SMOC2: variants seen among roughly 807,000 people sequenced by gnomAD.
The protein encoded by SMOC2 is SPARC-related modular calcium-binding protein 2.
Under a neutral mutation model 61.4 loss-of-function variants are expected in SMOC2, and 39 were observed. That is an observed-to-expected ratio of 0.64 (90% confidence interval 0.49 to 0.83). The LOEUF is 0.83. Ranked by LOEUF, SMOC2 falls within the 40% of genes least tolerant of loss-of-function variation. SMOC2 has a pLI of 0.00. For synonymous variants in SMOC2, 247 were observed against 239.9 expected (o/e 1.03, Z -0.27); for missense variants, 556 against 592.9 (o/e 0.94, Z 0.65).
intron 1 of SMOC2, among the ~76,000 whole-genome samples, chr6:168,450,790 C>T (rs112475279): frequency 1.4e-4 from 22 of 152,130 alleles, no homozygotes; most frequent in Admixed American, 3.9e-4. Context: ...CACTTAAACC[C>T]GAACGTGACC....
At position 168,442,489 on chromosome 6, in the gene SMOC2, A is replaced by T. The variant is rs138169127; in HGVS notation, c.84+1035A>T. Among the ~76,000 whole-genome samples the T allele has an allele frequency of 7.7e-4, 117 of 152,338 alleles. 3 individuals carry two copies. In the East Asian group the frequency reaches 0.02, roughly 27 times the overall value. On this transcript the variant is annotated intron_variant, in intron 1 of 12. Transcript: ENST00000356284. ...GGGTTTGCAAACCCATCATTAATGC[A>T]ATCGCCAGAAACGAAAACATTCCAC... is the stretch of plus-strand genomic sequence containing the variant.
chr6:168,619,690 G>T, intron 9 of SMOC2, among the ~76,000 whole-genome samples: 1 of 152,082 alleles, frequency 6.6e-6, no homozygotes. Flanking sequence ...CCCGTTTGCC[G>T]CTGACTCAGG....
chr6:168,533,226 G>A (rs1783654862), intron 4 of SMOC2, among the ~76,000 whole-genome samples: 1 of 152,118 alleles, frequency 6.6e-6, no homozygotes, highest in South Asian at 2.1e-4. Flanking sequence ...TCATCCCAGA[G>A]ATTTCTAAAT....
chr6:168,529,263 G>C (rs927697708), intron 4 of SMOC2, among the ~76,000 whole-genome samples: 1 of 152,140 alleles, frequency 6.6e-6, no homozygotes, highest in African/African-American at 2.4e-5. Flanking sequence ...CTGGGGAAGA[G>C]AGTAGATGGC....
chr6:168,641,608 C>T (rs1430066351), intron 9 of SMOC2, among the ~76,000 whole-genome samples: 1 of 152,134 alleles, frequency 6.6e-6, no homozygotes, highest in Non-Finnish European at 1.5e-5. Flanking sequence ...GATGACCTGA[C>T]CCAAAAGAGA....
At chr6:168,610,070 G>A (rs887401229) in intron 9 of SMOC2, among the ~76,000 whole-genome samples, 4 of 152,176 alleles carry the variant, frequency 2.6e-5, no homozygotes, top group Non-Finnish European at 5.9e-5. Context: ...TTTGTCCAGT[G>A]AGAACAACTG....
intron 4 of SMOC2, among the ~76,000 whole-genome samples, chr6:168,532,066 T>C (rs1362016524): frequency 1.3e-5 from 2 of 152,174 alleles, no homozygotes; most frequent in Non-Finnish European, 2.9e-5. Context: ...AGCAGGTGTT[T>C]CTTGCTCACA....
At chr6:168,457,769 TCGGCGAAG>T (rs1435240442) in intron 1 of SMOC2, among the ~76,000 whole-genome samples, 1 of 152,058 alleles carries the variant, frequency 6.6e-6, no homozygotes, top group Admixed American at 6.5e-5. Flanking sequence ...CAGGCCCAGC[TCGGCGAAG>T]GCCTGGAATT....
chr6:168,633,929 TAGTG>T (rs1389063344), intron 9 of SMOC2, among the ~76,000 whole-genome samples: 7 of 152,206 alleles, frequency 4.6e-5, no homozygotes, highest in Non-Finnish European at 1.5e-5. Flanking sequence ...CTTCTCATGA[TAGTG>T]AGTGAGTTCT....
rs1279196283 is a variant in SMOC2, at chr6:168,535,539, CT to C, written c.463+7813del. 6.6e-6 allele frequency among the ~76,000 whole-genome samples: 1 copy of C among 152,048 alleles called. No individual in the cohort carries two copies. Among genetic ancestry groups the C allele is most frequent in the Non-Finnish European group, 1.5e-5 (1 of 68,018 alleles). ...AGAACATTCCTTTTATCAGATGCAC[CT>C]CAAATCAGGAATCCCAACTGTTTAA... is the stretch of plus-strand genomic sequence containing the variant. On this transcript the variant is annotated intron_variant, in intron 4 of 12. Transcript: ENST00000356284. The surrounding 1 kb of genome is among the most constrained non-coding windows in gnomAD (Gnocchi z 4.6).
intron 7 of SMOC2, among the ~76,000 whole-genome samples, chr6:168,562,054 G>A (rs371804542): frequency 0.017 from 85 of 4,940 alleles, 1 homozygote; most frequent in East Asian, 0.13. Context: ...TCATTTTCCT[G>A]CCCTGAGACA....
At chr6:168,568,984 G>A (rs1300950917) in intron 7 of SMOC2, among the ~76,000 whole-genome samples, 1 of 152,132 alleles carries the variant, frequency 6.6e-6, no homozygotes, top group African/African-American at 2.4e-5. Flanking sequence ...CCCAATTTTT[G>A]ACAATTATGA....
rs1247318898 is a variant in SMOC2, at chr6:168,444,329, C to T, written c.84+2875C>T. Among the ~76,000 whole-genome samples the T allele has an allele frequency of 2.6e-5, 4 of 152,088 alleles. No homozygotes were observed. The East Asian group carries it at 5.8e-4, about 22-fold the overall frequency. ...TGCCATACCTGGCTTCTCAGGACCA[C>T]GCATTTGTCTTACTCACCTATGGTG... is the stretch of plus-strand genomic sequence containing the variant. On this transcript the variant is annotated intron_variant, in intron 1 of 12. Transcript: ENST00000356284.
Position 168,518,943 on chromosome 6 carries a change from ATGTG to A in SMOC2, c.257-7399_257-7396del, listed in dbSNP as rs557738013. ...CATGAGTGTGCGTGCATATGCTTGC[ATGTG>A]TGTTAGTGTGTATCCGTGCACGCGT... On this transcript the variant is annotated intron_variant, in intron 2 of 12. Transcript: ENST00000356284. 6.5e-5 allele frequency among the ~76,000 whole-genome samples: 9 copies of A among 138,742 alleles called. No homozygotes were observed. In the East Asian group the frequency reaches 1.8e-3, roughly 28 times the overall value. The allele number at this position is 138,742 out of a possible 152,430, so 91.0% of individuals were successfully genotyped here. A position where few individuals can be genotyped will look rare whatever the true frequency, so the allele number is the denominator to read the frequency against.
intron 1 of SMOC2, among the ~76,000 whole-genome samples, chr6:168,491,160 C>T (rs568543355): frequency 6.6e-6 from 1 of 152,322 alleles, no homozygotes; most frequent in Non-Finnish European, 1.5e-5. Context: ...ATGCTGCTCA[C>T]GCCAGCCTTG....
chr6:168,547,311 C>A, intron 6 of SMOC2, 142 bp downstream of exon 6: 3 of 663,904 alleles, frequency 4.5e-6, no homozygotes, highest in Non-Finnish European at 7.9e-6. Context: ...GAAAAGACCA[C>A]GTGATCTTAC....
intron 1 of SMOC2, among the ~76,000 whole-genome samples, chr6:168,460,286 T>C (rs1781691498): frequency 6.6e-6 from 1 of 152,166 alleles, no homozygotes; most frequent in Non-Finnish European, 1.5e-5. Flanking sequence ...CCTTCTAAGG[T>C]AATTAAAGGA....
At chr6:168,599,236 TCA>T (rs766969853) in intron 8 of SMOC2, among the ~76,000 whole-genome samples, 93 of 77,048 alleles carry the variant, frequency 1.2e-3, no homozygotes, top group Admixed American at 2.3e-3. Flanking sequence ...ATGGTCTCTC[TCA>T]CACACACCCA....
intron 1 of SMOC2, among the ~76,000 whole-genome samples, chr6:168,451,524 C>T (rs1781460771): frequency 6.6e-6 from 1 of 152,126 alleles, no homozygotes; most frequent in Admixed American, 6.5e-5. Flanking sequence ...CTGTGCCCTG[C>T]AGACATGATC....
Sources: allele counts gnomAD v4.1 joint callset (sites outside exome capture counted in the v4.1 genomes callset), GRCh38; gene constraint gnomAD v4.1.1; non-coding constraint Gnocchi (gnomAD v3.1); transcripts MANE v1.5; gene names NCBI Gene and HGNC (gene_info 2026-07-23, HGNC 2026-07-21).